The following NLRC5 variants were observed in gnomAD, a reference collection of about 807,000 sequenced individuals.
NLRC5 encodes protein NLRC5.
In NLRC5, 114 loss-of-function variants were observed where a neutral mutation model predicts 206.9. The observed-to-expected ratio is 0.55, with a 90% CI of 0.47 to 0.64. The LOEUF is 0.64. NLRC5 is among the 30% of genes least tolerant of loss of function. The pLI is 0.00. For synonymous variants in NLRC5, 952 were observed against 962.8 expected (o/e 0.99, Z 0.21); for missense variants, 2,008 against 2,305.5 (o/e 0.87, Z 2.64).
At chr16:57,040,744 G>A (rs919374084) in intron 17 of NLRC5, 26 bp downstream of exon 17, 6 of 1,607,724 alleles carry the variant, frequency 3.7e-6, no homozygotes, top group African/African-American at 1.3e-5. Context: ...CCAGCCCTGT[G>A]TGTGATTCCA....
At chr16:57,078,565 G>A (rs1189155456) in intron 43 of NLRC5, among the ~76,000 whole-genome samples, 1 of 148,496 alleles carries the variant, frequency 6.7e-6, no homozygotes, top group Non-Finnish European at 1.5e-5. Context: ...TCCACCTCCC[G>A]GGTTCAAGCA....
intron 20 of NLRC5, among the ~76,000 whole-genome samples, chr16:57,044,312 AAAAG>A (rs1221860746): frequency 2.7e-5 from 4 of 148,070 alleles, no homozygotes; most frequent in African/African-American, 7.9e-5. Context: ...CTCAAAAAAA[AAAAG>A]AAAAGAAAAG....
At chr16:57,080,578 G>A (rs568266616) in intron 46 of NLRC5, among the ~76,000 whole-genome samples, 2 of 145,008 alleles carry the variant, frequency 1.4e-5, no homozygotes, top group African/African-American at 2.5e-5. Flanking sequence ...TCCACCTGCC[G>A]GGTTCAAGAG....
chr16:57,060,566 C>A (rs952501330), intron 30 of NLRC5, among the ~76,000 whole-genome samples: 1 of 151,560 alleles, frequency 6.6e-6, no homozygotes, highest in East Asian at 1.9e-4. Context: ...CAAAAACAAA[C>A]CCCCCACATA....
At chr16:57,051,501 G>A (rs2144242820) in intron 23 of NLRC5, 37 bp from the exon 24 acceptor site, 2 of 1,520,718 alleles carry the variant, frequency 1.3e-6, no homozygotes, top group Middle Eastern at 1.7e-4. Context: ...TTTCCTGGAA[G>A]GTTTCCCCCA....
chr16:57,029,280 GC>G (rs1269788075), intron 8 of NLRC5, among the ~76,000 whole-genome samples: 1 of 152,198 alleles, frequency 6.6e-6, no homozygotes, highest in Non-Finnish European at 1.5e-5. Context: ...TGTCTCCCCA[GC>G]TAGGAACCCA....
chr16:57,023,646 T>C, intron 4 of NLRC5, 139 bp from the exon 5 acceptor site: 1 of 618,178 alleles, frequency 1.6e-6, no homozygotes, highest in South Asian at 2.1e-5. Context: ...GCCTGCTGCC[T>C]GCCTTTCCAG....
chr16:57,077,825 T>C, intron 42 of NLRC5, 23 bp downstream of exon 42: 2 of 1,590,262 alleles, frequency 1.3e-6, no homozygotes, highest in South Asian at 2.3e-5. Flanking sequence ...CCAGGTGGCC[T>C]CTGCCCTCTG....
intron 31 of NLRC5, 23 bp from the exon 32 acceptor site, chr16:57,061,595 C>G: frequency 1.9e-6 from 3 of 1,609,670 alleles, no homozygotes; most frequent in Non-Finnish European, 2.5e-6. Flanking sequence ...AGAGCCACCT[C>G]AGTGACTGAC....
chr16:57,043,265 C>A (rs112025906), intron 19 of NLRC5, among the ~76,000 whole-genome samples: 4 of 152,262 alleles, frequency 2.6e-5, no homozygotes, highest in Admixed American at 2.6e-4. Context: ...ACCGAGGGAC[C>A]CACTGGGTGC....
intron 19 of NLRC5, among the ~76,000 whole-genome samples, chr16:57,042,346 G>A (rs962584875): frequency 6.6e-6 from 1 of 152,156 alleles, no homozygotes; most frequent in African/African-American, 2.4e-5. Context: ...GAGGGCAGGT[G>A]TGGGTGCGAA....
intron 18 of NLRC5, 144 bp from the exon 19 acceptor site, chr16:57,041,838 G>A (rs575520917): frequency 5.5e-5 from 36 of 653,258 alleles, no homozygotes; most frequent in East Asian, 4.5e-4. Flanking sequence ...CCAGCTGCCC[G>A]TGCCAGATCT....
intron 45 of NLRC5, 49 bp downstream of exon 45, chr16:57,079,341 C>T: frequency 6.3e-7 from 1 of 1,591,690 alleles, no homozygotes; most frequent in South Asian, 1.1e-5. Context: ...AGGCTGAGGG[C>T]AGCCCTTCTC....
intron 32 of NLRC5, among the ~76,000 whole-genome samples, chr16:57,064,470 T>G (rs1037351711): frequency 1.3e-5 from 2 of 152,230 alleles, no homozygotes; most frequent in South Asian, 2.1e-4. Flanking sequence ...TTAATATATT[T>G]TCCTATGTTT....
At position 57,076,835 on chromosome 16, in the gene NLRC5, A is replaced by G; in HGVS notation, c.4768A>G (p.Ile1590Val). The change falls in exon 40 of 49, where the codon ATC becomes GTC. Residue 1590 changes from isoleucine (I) to valine (V), a missense_variant. Transcript: ENST00000688547. ...CTTTTCCAGACTGAACAGGAACAGT[A>G]TCGGTGATGTCGGTTGCTGCCACCT... Reference protein sequence around the residue: ...LQSLRLNRNSIGDVGCCHLSE... With the variant: ...LQSLRLNRNSVGDVGCCHLSE... 1 of 1,614,132 alleles carries G rather than the reference A, an allele frequency of 6.2e-7. No individual in the cohort carries two copies. Among genetic ancestry groups the G allele is most frequent in the Non-Finnish European group, 8.5e-7 (1 of 1,180,038 alleles).
chr16:57,043,406 G>C (rs2143785114), intron 19 of NLRC5, 109 bp from the exon 20 acceptor site: 2 of 866,178 alleles, frequency 2.3e-6, no homozygotes, highest in East Asian at 2.4e-5. Context: ...GGTTCAGTGG[G>C]TTCCGTCATC....
Position 57,033,615 on chromosome 16 carries a change from T to G in NLRC5, c.2489T>G (p.Leu830Arg). The G allele has an allele frequency of 6.2e-7, 1 of 1,614,092 alleles. No homozygotes were observed. Among genetic ancestry groups the G allele is most frequent in the Non-Finnish European group, 8.5e-7 (1 of 1,179,992 alleles). ...TTAELQRAPD[L>R]QESDGQRKGA... Reference sequence around the variant, plus strand: ...TTTGTTCTTGCCAGAGCTCCAGACCTGCAGGAAAGTGACGGCCAGAGGAAA... The same window carrying G: ...TTTGTTCTTGCCAGAGCTCCAGACCGGCAGGAAAGTGACGGCCAGAGGAAA... The change falls in exon 12 of 49, where the codon CTG (leucine) becomes CGG (arginine). Residue 830 changes from leucine to arginine, a missense_variant. By Grantham distance (102) the Leu-to-Arg change is moderately radical. Transcript: ENST00000688547.
At chr16:57,027,939 G>A (rs527555223) in intron 6 of NLRC5, 133 bp from the exon 7 acceptor site, 5 of 566,106 alleles carry the variant, frequency 8.8e-6, no homozygotes, top group Non-Finnish European at 1.6e-5. Flanking sequence ...TTTGGTGGAC[G>A]ATTAGAAGTC....
chr16:57,004,012 A>G (rs1238283129), intron 1 of NLRC5: 2 of 152,280 alleles, frequency 1.3e-5, no homozygotes, highest in Non-Finnish European at 2.9e-5. Context: ...GAGAATGGCA[A>G]GACTTGAGAT....
Sources: allele counts gnomAD v4.1 joint callset (sites outside exome capture counted in the v4.1 genomes callset), GRCh38; gene constraint gnomAD v4.1.1; transcripts MANE v1.5; gene names NCBI Gene and HGNC (gene_info 2026-07-23, HGNC 2026-07-21).